GOLGA2: variants seen among roughly 807,000 people sequenced by gnomAD.
GOLGA2 encodes the protein golgin subfamily A member 2.
Under a neutral mutation model 148.8 loss-of-function variants are expected in GOLGA2, and 49 were observed. That is an observed-to-expected ratio of 0.33 (90% CI 0.26 to 0.42). GOLGA2 has a LOEUF of 0.42. Among genes scored for constraint, GOLGA2 ranks in the 10% least tolerant of loss-of-function variants. GOLGA2 has a pLI of 1.00. For synonymous variants in GOLGA2, 501 were observed against 511.8 expected, an observed-to-expected ratio of 0.98 and a Z score of 0.28; for missense variants, 1,178 against 1,304.6, an observed-to-expected ratio of 0.90 and a Z score of 1.49.
chr9:128,267,056 C>G lies in GOLGA2; in HGVS notation c.642+138G>C, dbSNP rs532650952. On this transcript the variant is annotated intron_variant, in intron 8 of 26. Transcript: ENST00000611957. ...GCATGCTCCGTGCTCTGGGGTCCCT[C>G]CAGCTGAGGCCTGGGCCCCCCAGCT... 19 of 718,492 alleles carry G rather than the reference C, an allele frequency of 2.6e-5. No individual in the cohort carries two copies. In the South Asian group the frequency reaches 2.9e-4, roughly 11 times the overall value. The allele number at this position is 718,492 out of a possible 1,614,324, so 44.5% of individuals were successfully genotyped here.
chr9:128,258,072 G>T lies in GOLGA2; in HGVS notation c.2416C>A (p.Pro806Thr). The change falls in exon 23 of 27, where the codon CCT (proline) becomes ACT (threonine). Residue 806 changes from proline (P) to threonine (T), a missense_variant. This residue lies in a region of GOLGA2 where 529 missense variants were observed against 521.8 expected (regional missense o/e 1.01). Transcript: ENST00000611957. The surrounding 1 kb of genome is among the most constrained non-coding windows in gnomAD (Gnocchi z 6.6). ...AHLLASAQKE[P>T]EAAAPAPGTG... The stretch of plus-strand genomic sequence containing the variant: ...CCTGGGGCTGGGGCTGCTGCCTCAG[G>T]CTCCTTCTGGGCCGAGGCCAGCAGG... 6.2e-7 allele frequency: 1 copy of T among 1,611,094 alleles called. No homozygotes were observed. The highest frequency in any genetic ancestry group is 8.5e-7 in the Non-Finnish European group (1 of 1,179,766).
At chr9:128,268,780 T>C (rs1223140585) in intron 3 of GOLGA2, among the ~76,000 whole-genome samples, 4 of 152,126 alleles carry the variant, frequency 2.6e-5, no homozygotes, top group Non-Finnish European at 5.9e-5. Context: ...TCCCTGGAGC[T>C]CAGCAAAAGA....
chr9:128,269,551 C>G (rs1439560368), intron 3 of GOLGA2, among the ~76,000 whole-genome samples: 3 of 152,172 alleles, frequency 2.0e-5, no homozygotes, highest in Admixed American at 1.3e-4. Context: ...TCCCTTGCCC[C>G]CAACTGGACC....
chr9:128,256,730 T>C lies in GOLGA2; in HGVS notation c.*337A>G. 6.0e-6 allele frequency: 1 copy of C among 167,322 alleles called. No homozygotes were observed. Among genetic ancestry groups the C allele is most frequent in the Non-Finnish European group, 1.3e-5 (1 of 78,380 alleles). 10.4% of individuals were successfully genotyped at this position (167,322 alleles called of 1,614,324 possible). A position where few individuals can be genotyped will look rare whatever the true frequency, so the allele number is the denominator to read the frequency against. ...TTCACCATGTTGACCAGGCTGGTCT[T>C]GAACTCCCAACCTCAGCCTCCCAAA... On this transcript the variant is annotated 3_prime_UTR_variant, in exon 27 of 27. Coordinates refer to ENST00000611957, the MANE Select transcript of GOLGA2 (RefSeq NM_001366244.2).
chr9:128,274,066 A>C, intron 1 of GOLGA2, 94 bp from the exon 2 acceptor site: 1 of 1,143,170 alleles, frequency 8.7e-7, no homozygotes, highest in Non-Finnish European at 1.3e-6. Context: ...CTTATATACC[A>C]TCTGATTTAA....
chr9:128,267,964 G>C lies in GOLGA2; in HGVS notation c.471C>G (p.Leu157=). The change falls in exon 6 of 27, where the codon CTC becomes CTG. Residue 157 remains leucine (L), a synonymous_variant. Coordinates refer to ENST00000611957, the MANE Select transcript of GOLGA2 (RefSeq NM_001366244.2). ...TFSSTESLRQ[L]SQQLNGLVCE... ...AAACAAGACCATTGAGCTGTTGGGAGAGTTGTCGCAGGCTCTCGGTTGATG... is the reference window on the plus strand; with the variant it reads ...AAACAAGACCATTGAGCTGTTGGGACAGTTGTCGCAGGCTCTCGGTTGATG... The C allele has an allele frequency of 6.2e-7, 1 of 1,613,998 alleles. No homozygotes were observed. The highest frequency in any genetic ancestry group is 1.3e-5 in the African/African-American group (1 of 75,008).
rs1260788546 is a variant in GOLGA2, at chr9:128,260,522, G to A, written c.1701C>T (p.Ser567=). ...GCTGCTCCTTGAGCTCCCGGTTCTG[G>A]GAGAGTGCGCGGCTGATGGTAGTGC... ...NDRTTISRAL[S]QNRELKEQLA... is the part of the protein sequence containing the mutation. Residue 567 remains serine (S), a synonymous_variant, in exon 18 of 27, where the codon TCC becomes TCT. Transcript: ENST00000611957. The surrounding 1 kb of genome is among the most constrained non-coding windows in gnomAD (Gnocchi z 4.8). 6.2e-7 allele frequency: 1 copy of A among 1,613,484 alleles called. No individual in the cohort carries two copies. The highest frequency in any genetic ancestry group is 8.5e-7 in the Non-Finnish European group (1 of 1,179,962).
At chr9:128,267,897 C>G in intron 6 of GOLGA2, 37 bp downstream of exon 6, 11 of 1,473,688 alleles carry the variant, frequency 7.5e-6, no homozygotes, top group South Asian at 1.1e-5. Context: ...TAGTTCCCTT[C>G]CCCCCACCCC....
chr9:128,270,314 T>A (rs909858688), intron 3 of GOLGA2, among the ~76,000 whole-genome samples: 1 of 151,952 alleles, frequency 6.6e-6, no homozygotes, highest in Non-Finnish European at 1.5e-5. Context: ...GTATTTTTAG[T>A]AGAGATGGGG....
rs147626542 is a variant in GOLGA2, at chr9:128,273,908, A to G, written c.149T>C (p.Ile50Thr). ...TGTCTCAGGGTTACTGCCATTTTTT[A>G]TTTTCTTCTTCTTTTTCGCTCCTGT... ...VPTGAKKKKK[I>T]KNGSNPETTT... The change falls in exon 2 of 27, where the codon ATA (isoleucine) becomes ACA (threonine). Residue 50 changes from isoleucine to threonine, a missense_variant. Around this residue, in one of 5 missense-constraint regions of GOLGA2, gnomAD observed 158 missense variants for 156.6 expected, o/e 1.01. Transcript: ENST00000611957. 1.7e-5 allele frequency: 27 copies of G among 1,613,372 alleles called. No homozygotes were observed. The highest frequency in any genetic ancestry group is 2.2e-5 in the Non-Finnish European group (26 of 1,179,692).
chr9:128,257,057 T>G lies in GOLGA2; in HGVS notation c.*10A>C. On this transcript the variant is annotated 3_prime_UTR_variant, in exon 27 of 27. Coordinates refer to ENST00000611957, the MANE Select transcript of GOLGA2 (RefSeq NM_001366244.2). The surrounding 1 kb of genome is among the most constrained non-coding windows in gnomAD (Gnocchi z 8.0). ...CCACTTCTTCAGGCTTTGCTGACAGTAGCCGGCTTTTAGATGACAGTGATC... is the reference window on the plus strand; with the variant it reads ...CCACTTCTTCAGGCTTTGCTGACAGGAGCCGGCTTTTAGATGACAGTGATC... 2 of 1,602,754 alleles carry G rather than the reference T, an allele frequency of 1.2e-6. No homozygotes were observed. The highest frequency in any genetic ancestry group is 1.7e-6 in the Non-Finnish European group (2 of 1,171,300).
chr9:128,259,016 G>A lies in GOLGA2; in HGVS notation c.2164C>T (p.Pro722Ser), dbSNP rs576558793. ...GAGCAGGTTCCCGTACCTTCCCCAGGGTGAGCCATGAGGCTCAACTGGGCC... is the reference window on the plus strand; with the variant it reads ...GAGCAGGTTCCCGTACCTTCCCCAGAGTGAGCCATGAGGCTCAACTGGGCC... ...LRAQLSLMAH[P>S]GEGDGLDREE... The change falls in exon 21 of 27, where the codon CCT becomes TCT. Residue 722 changes from proline (P) to serine (S), a missense_variant. Pro to Ser is a moderately conservative substitution (Grantham distance 74). Around this residue, in one of 5 missense-constraint regions of GOLGA2, gnomAD observed 529 missense variants for 521.8 expected, o/e 1.01. Transcript: ENST00000611957. 72 of 1,598,974 alleles carry A rather than the reference G, an allele frequency of 4.5e-5. No individual in the cohort carries two copies. In the East Asian group the frequency reaches 1.4e-3, roughly 32 times the overall value.
In GOLGA2 at chr9:128,267,187, C is replaced by T. The variant is rs1423077991; in HGVS notation, c.642+7G>A. Reference sequence around the variant, plus strand: ...CATGGAATCAGGGGACCCCACTGGACTCTTACCAATTTCTCTATCGTGATA... The same window carrying T: ...CATGGAATCAGGGGACCCCACTGGATTCTTACCAATTTCTCTATCGTGATA... On this transcript the variant is annotated splice_region_variant and intron_variant, in intron 8 of 26. Coordinates refer to ENST00000611957, the MANE Select transcript of GOLGA2 (RefSeq NM_001366244.2). 2 of 1,529,622 alleles carry T rather than the reference C, an allele frequency of 1.3e-6. No individual in the cohort carries two copies. Among genetic ancestry groups the T allele is most frequent in the East Asian group, 2.2e-5 (1 of 44,468 alleles). The allele number at this position is 1,529,622 out of a possible 1,614,324, so 94.8% of individuals were successfully genotyped here. A position where few individuals can be genotyped will look rare whatever the true frequency, so the allele number is the denominator to read the frequency against.
At chr9:128,268,214 C>T in intron 4 of GOLGA2, 54 bp from the exon 5 acceptor site, 1 of 1,488,944 alleles carries the variant, frequency 6.7e-7, no homozygotes, top group Non-Finnish European at 9.4e-7. Flanking sequence ...AAGAATCACC[C>T]AGGATGGGGT....
intron 5 of GOLGA2, 52 bp downstream of exon 5, chr9:128,268,065 C>T: frequency 6.3e-7 from 1 of 1,595,554 alleles, no homozygotes; most frequent in Non-Finnish European, 8.6e-7. Context: ...TGGGCAGTGG[C>T]CTCCCTGACT....
chr9:128,272,654 T>C (rs773777218), intron 3 of GOLGA2, 131 bp downstream of exon 3: 3 of 231,648 alleles, frequency 1.3e-5, no homozygotes, highest in South Asian at 4.1e-5. Context: ...GAAGCGGACA[T>C]AAACAGGCGG....
intron 19 of GOLGA2, 46 bp from the exon 20 acceptor site, chr9:128,259,437 A>G (rs1830118723): frequency 8.0e-7 from 1 of 1,246,572 alleles, no homozygotes; most frequent in East Asian, 2.5e-5. Flanking sequence ...GCCTGCTTCC[A>G]GATTCAGGGC....
At chr9:128,273,678 G>T in intron 2 of GOLGA2, 172 bp downstream of exon 2, 2 of 706,974 alleles carry the variant, frequency 2.8e-6, no homozygotes, top group Non-Finnish European at 2.4e-6. Context: ...GAAAAGAGAG[G>T]CCCAAAAAGC....
Position 128,260,116 on chromosome 9 carries a change from A to G in GOLGA2, c.1832T>C (p.Leu611Pro), listed in dbSNP as rs1336858172. Residue 611 changes from leucine (L) to proline (P), a missense_variant, in exon 19 of 27, where the codon CTG (leucine) becomes CCG (proline). Physicochemically the swap from Leu to Pro is moderately conservative, Grantham distance 98. Coordinates refer to ENST00000611957, the MANE Select transcript of GOLGA2 (RefSeq NM_001366244.2). The surrounding 1 kb of genome is among the most constrained non-coding windows in gnomAD (Gnocchi z 4.8). ...QHVKRELGKKLGELQEKLSEL... is the reference protein window; with the variant it reads ...QHVKRELGKKPGELQEKLSEL... ...GCTCAGCTTCTCCTGCAGCTCGCCC[A>G]GCTTCTTTCCCAGCTCCCTCTTGAC... 6.2e-7 allele frequency: 1 copy of G among 1,611,168 alleles called. No individual in the cohort carries two copies. The highest frequency in any genetic ancestry group is 1.7e-5 in the Admixed American group (1 of 60,020).
Sources: gnomAD v4.1 joint callset for allele counts (sites outside exome capture counted in the v4.1 genomes callset) on GRCh38, gnomAD v4.1.1 for gene constraint, gnomAD v4.1.1 regional missense constraint, Gnocchi (gnomAD v3.1) non-coding constraint, MANE v1.5 for transcripts, NCBI Gene and HGNC (gene_info 2026-07-23, HGNC 2026-07-21) for gene names.